Variants in FRAS1 observed in about 807,000 individuals in gnomAD.
FRAS1 encodes extracellular matrix organizing protein FRAS1.
A neutral mutation model predicts 435.2 loss-of-function variants in FRAS1; 290 were observed. The ratio of observed to expected loss-of-function variants is 0.67; its 90% confidence interval spans 0.61 to 0.73. FRAS1 has a LOEUF of 0.73. Among genes scored for constraint, FRAS1 ranks in the 30% least tolerant of loss-of-function variants. The pLI, the probability that FRAS1 is intolerant of heterozygous loss-of-function variation, is 0.00. For synonymous variants in FRAS1, 1,800 were observed against 1,851.0 expected, an observed-to-expected ratio of 0.97 and a Z score of 0.71; for missense variants, 4,860 against 5,001.5, an observed-to-expected ratio of 0.97 and a Z score of 0.85.
chr4:78,363,269 A>C (rs532097818), intron 20 of FRAS1, among the ~76,000 whole-genome samples: 1 of 152,298 alleles, frequency 6.6e-6, no homozygotes, highest in Middle Eastern at 3.4e-3. Flanking sequence ...TCTAAAGGTC[A>C]TTCCGTTGGA....
At chr4:78,179,819 C>T (rs1325764400) in intron 2 of FRAS1, among the ~76,000 whole-genome samples, 1 of 152,152 alleles carries the variant, frequency 6.6e-6, no homozygotes, top group Admixed American at 6.5e-5. Context: ...GGCATAGGAG[C>T]TACCCAGGGA....
intron 2 of FRAS1, among the ~76,000 whole-genome samples, chr4:78,130,666 T>G (rs575025065): frequency 6.6e-6 from 1 of 152,146 alleles, no homozygotes; most frequent in Admixed American, 6.5e-5. Context: ...CACTAAGGAT[T>G]TGGGGACAGA....
intron 9 of FRAS1, among the ~76,000 whole-genome samples, chr4:78,272,437 G>A (rs923026856): frequency 5.9e-5 from 9 of 152,104 alleles, no homozygotes; most frequent in Admixed American, 2.0e-4. Context: ...GGATTTTTAT[G>A]GTTTTAGGTC....
At chr4:78,163,672 G>T (rs1721227105) in intron 2 of FRAS1, among the ~76,000 whole-genome samples, 1 of 152,168 alleles carries the variant, frequency 6.6e-6, no homozygotes, top group African/African-American at 2.4e-5. Context: ...CCATACTGGG[G>T]CTGATCTATA....
chr4:78,128,305 C>G (rs1719486869), intron 2 of FRAS1, among the ~76,000 whole-genome samples: 1 of 152,138 alleles, frequency 6.6e-6, no homozygotes, highest in Admixed American at 6.5e-5. Context: ...ATTTCTAGTT[C>G]TAGATCTCTG....
rs575407686 is a variant in FRAS1 at position 78,282,853 on chromosome 4, G to A, written c.1141G>A (p.Val381Met). Reference protein sequence around the residue: ...GEKWEDGPCKVCECRGAQVTC... With the variant: ...GEKWEDGPCKMCECRGAQVTC... ...GAAGTGGGAAGATGGCCCTTGCAAG[G>A]TGTGTGAGTGCCGAGGGGCTCAGGT... is the stretch of plus-strand genomic sequence containing the variant. Residue 381 changes from valine to methionine, a missense_variant, in exon 12 of 74, where the codon GTG becomes ATG. Physicochemically the swap from Val to Met is conservative, Grantham distance 21. Coordinates refer to ENST00000512123, the MANE Select transcript of FRAS1 (RefSeq NM_025074.7). 2 of 1,613,280 alleles carry A rather than the reference G, an allele frequency of 1.2e-6. No individual in the cohort carries two copies. Among genetic ancestry groups the A allele is most frequent in the South Asian group, 1.1e-5 (1 of 90,952 alleles).
rs776878277 is a variant in FRAS1 at position 78,267,265 on chromosome 4, G to C, written c.814G>C (p.Gly272Arg). 1 of 1,613,752 alleles carries C rather than the reference G, an allele frequency of 6.2e-7. No homozygotes were observed. Among genetic ancestry groups the C allele is most frequent in the Non-Finnish European group, 8.5e-7 (1 of 1,179,814 alleles). The change falls in exon 9 of 74, where the codon GGG (glycine) becomes CGG (arginine). Residue 272 changes from glycine to arginine, a missense_variant. Physicochemically the swap from Gly to Arg is moderately radical, Grantham distance 125. Coordinates refer to ENST00000512123, the MANE Select transcript of FRAS1 (RefSeq NM_025074.7). ...GKGQSRARRH[G>R]QCCEECVSPA... The stretch of plus-strand genomic sequence containing the variant: ...GGGTCAGAGCAGGGCTCGGCGTCAT[G>C]GGCAATGCTGTGAGGAATGTGTGTC...
intron 2 of FRAS1, among the ~76,000 whole-genome samples, chr4:78,109,159 C>T (rs1487714463): frequency 1.4e-5 from 1 of 73,202 alleles, no homozygotes; most frequent in Non-Finnish European, 2.7e-5. Flanking sequence ...CAGCCGAATT[C>T]TACCAGAGGT....
chr4:78,061,437 CATTGAATTGGAGGTTAAGAGAA>C (rs1739755768), intron 1 of FRAS1, among the ~76,000 whole-genome samples: 1 of 152,142 alleles, frequency 6.6e-6, no homozygotes, highest in African/African-American at 2.4e-5. Flanking sequence ...AGGGAAACAT[CATTGAATTGGAGGTTAAGAGAA>C]TTGAGCTTTA....
chr4:78,310,352 A>G (rs987253286), intron 15 of FRAS1, among the ~76,000 whole-genome samples: 4 of 152,228 alleles, frequency 2.6e-5, no homozygotes, highest in African/African-American at 9.6e-5. Flanking sequence ...CTGAGACTCT[A>G]CATTATCTGG....
At chr4:78,410,551 G>A (rs1000788909) in intron 31 of FRAS1, among the ~76,000 whole-genome samples, 9 of 152,070 alleles carry the variant, frequency 5.9e-5, no homozygotes, top group Non-Finnish European at 1.0e-4. Flanking sequence ...TGCTCAAAAT[G>A]TGTTTAGAAC....
intron 2 of FRAS1, among the ~76,000 whole-genome samples, chr4:78,145,352 A>G (rs144621963): frequency 2.4e-3 from 367 of 152,320 alleles, no homozygotes; most frequent in Middle Eastern, 0.01. Flanking sequence ...TTTCATAGTC[A>G]GGATATATGT....
intron 2 of FRAS1, among the ~76,000 whole-genome samples, chr4:78,172,287 A>G (rs1367148215): frequency 6.6e-6 from 1 of 152,208 alleles, no homozygotes; most frequent in Non-Finnish European, 1.5e-5. Flanking sequence ...TTAATGAGAT[A>G]GAATCATCTA....
intron 54 of FRAS1, among the ~76,000 whole-genome samples, 170 bp downstream of exon 54, chr4:78,475,776 T>C (rs1423341786): frequency 6.6e-6 from 1 of 152,244 alleles, no homozygotes; most frequent in African/African-American, 2.4e-5. Context: ...TTCTTCACAG[T>C]CTCTCTAACC....
Position 78,446,800 on chromosome 4 carries a change from G to A in FRAS1, c.5930G>A (p.Ser1977Asn). 6.2e-7 allele frequency: 1 copy of A among 1,613,320 alleles called. No individual in the cohort carries two copies. Among genetic ancestry groups the A allele is most frequent in the Non-Finnish European group, 8.5e-7 (1 of 1,179,700 alleles). Residue 1977 changes from serine (S) to asparagine (N), a missense_variant, in exon 43 of 74, where the codon AGC (serine) becomes AAC (asparagine). Ser to Asn is a conservative substitution (Grantham distance 46). Coordinates refer to ENST00000512123, the MANE Select transcript of FRAS1 (RefSeq NM_025074.7). ...CAGCTGAGCTCGGGAGTGGTGATAA[G>A]CAATTCTTCTTTGAGCCTGCAAGAC... Reference protein sequence around the residue: ...RVQLSSGVVISNSSLSLQDLD... With the variant: ...RVQLSSGVVINNSSLSLQDLD...
chr4:78,525,710 C>T (rs1242199800), intron 69 of FRAS1, among the ~76,000 whole-genome samples: 2 of 152,180 alleles, frequency 1.3e-5, no homozygotes, highest in Admixed American at 1.3e-4. Context: ...ACTCCCAAGG[C>T]CCTTGAAGAA....
rs557955887 is a variant in FRAS1, at chr4:78,297,008, C to CA, written c.1534+10471dup. ...TTCAAGACAGAAAAAATTTTTCATTCAACAAGAGCTTCTTATTGAAAATTT... is the reference window on the plus strand; with the variant it reads ...TTCAAGACAGAAAAAATTTTTCATTCAAACAAGAGCTTCTTATTGAAAATTT... On this transcript the variant is annotated intron_variant, in intron 14 of 73. Transcript: ENST00000512123. 7.3e-4 allele frequency among the ~76,000 whole-genome samples: 111 copies of CA among 152,138 alleles called. 3 individuals are homozygous for CA. Among genetic ancestry groups the CA allele is most frequent in the Non-Finnish European group, 1.6e-4 (11 of 68,030 alleles).
At chr4:78,411,403 C>G (rs1486149617) in intron 31 of FRAS1, among the ~76,000 whole-genome samples, 6 of 152,150 alleles carry the variant, frequency 3.9e-5, no homozygotes, top group Non-Finnish European at 1.5e-5. Context: ...TGAGCCACCC[C>G]GTCCAGCCGA....
intron 34 of FRAS1, among the ~76,000 whole-genome samples, chr4:78,424,106 T>G (rs1331146388): frequency 2.6e-5 from 4 of 152,218 alleles, no homozygotes; most frequent in Non-Finnish European, 5.9e-5. Flanking sequence ...TTTTATGTAC[T>G]GTGATAAAAT....
Sources: allele counts gnomAD v4.1 joint callset (sites outside exome capture counted in the v4.1 genomes callset), GRCh38; gene constraint gnomAD v4.1.1; transcripts MANE v1.5; gene names NCBI Gene and HGNC (gene_info 2026-07-23, HGNC 2026-07-21).